The following ALDH1L1 variants were observed in gnomAD, a reference collection of about 807,000 sequenced individuals.
The protein encoded by ALDH1L1 is aldehyde dehydrogenase 1 family member L1.
ALDH1L1 carries 68 observed loss-of-function variants against 101.1 expected under a neutral mutation model. The observed-to-expected ratio is 0.67, with a 90% CI of 0.55 to 0.82. The LOEUF (loss-of-function observed/expected upper bound fraction) is 0.82, where lower values mean the gene tolerates loss of function less well. Among genes scored for constraint, ALDH1L1 ranks in the 40% least tolerant of loss-of-function variants. The probability of loss-of-function intolerance (pLI) is 0.00; values close to 1 mark genes in which losing one functional copy is unlikely to be tolerated. For synonymous variants in ALDH1L1, 486 were observed against 470.8 expected, an observed-to-expected ratio of 1.03 and a Z score of -0.42; for missense variants, 1,087 against 1,172.7, an observed-to-expected ratio of 0.93 and a Z score of 1.07.
intron 2 of ALDH1L1, chr3:126,160,437 G>T (rs1008024051): frequency 1.8e-5 from 3 of 165,866 alleles, no homozygotes; most frequent in Admixed American, 6.1e-5. Context: ...TCCCCTGATG[G>T]GTAAGTAGAG....
At chr3:126,155,369 C>A (rs1202339704) in intron 5 of ALDH1L1, 33 bp downstream of exon 5, 2 of 1,589,486 alleles carry the variant, frequency 1.3e-6, no homozygotes, top group Non-Finnish European at 1.7e-6. Context: ...TGCTCACAGG[C>A]AGGATGAGGG....
intron 22 of ALDH1L1, chr3:126,104,212 G>C (rs935220453): frequency 3.6e-6 from 1 of 281,468 alleles, no homozygotes; most frequent in African/African-American, 2.2e-5. Context: ...AGCTACGTCT[G>C]CATCAAGCTG....
rs892976035 is a variant in ALDH1L1, at chr3:126,142,284, C to G, written c.1077-4324G>C. Among the ~76,000 whole-genome samples the G allele has an allele frequency of 2.0e-5, 3 of 152,142 alleles. No homozygotes were observed. In the South Asian group the frequency reaches 6.2e-4, roughly 32 times the overall value. Reference sequence around the variant, plus strand: ...CCAAACATTTGAAGGGAAAGTAACACCAATTTTTCTCAAACTCTTCCAAAA... The same window carrying G: ...CCAAACATTTGAAGGGAAAGTAACAGCAATTTTTCTCAAACTCTTCCAAAA... On this transcript the variant is annotated intron_variant, in intron 9 of 22. Coordinates refer to ENST00000393434, the MANE Select transcript of ALDH1L1 (RefSeq NM_012190.4).
Position 126,114,601 on chromosome 3 carries a change from G to C in ALDH1L1, c.2038C>G (p.Leu680Val). The change falls in exon 18 of 23, where the codon CTC becomes GTC. Residue 680 changes from leucine (L) to valine (V), a missense_variant. Leu to Val is a conservative substitution (Grantham distance 32). Around this residue, in one of 2 missense-constraint regions of ALDH1L1, gnomAD observed 442 missense variants for 535.7 expected, o/e 0.83. Transcript: ENST00000393434. ...VSLELGGKSP[L>V]IIFADCDLNK... ...AGGTCACAGTCAGCAAAGATGATGA[G>C]GGGTGACTTCCCGCCCAGTTCCAGG... The C allele has an allele frequency of 1.3e-6, 2 of 1,512,624 alleles. No individual in the cohort carries two copies. The highest frequency in any genetic ancestry group is 8.8e-7 in the Non-Finnish European group (1 of 1,130,240). 93.7% of individuals were successfully genotyped at this position (1,512,624 alleles called of 1,614,324 possible).
chr3:126,117,042 G>C (rs560357911), intron 17 of ALDH1L1, among the ~76,000 whole-genome samples: 1 of 151,990 alleles, frequency 6.6e-6, no homozygotes, highest in Non-Finnish European at 1.5e-5. Context: ...AAAGGAGTTC[G>C]AGACCAGGCT....
intron 18 of ALDH1L1, 102 bp from the exon 19 acceptor site, chr3:126,112,982 AC>A: frequency 9.8e-7 from 1 of 1,015,640 alleles, no homozygotes; most frequent in Non-Finnish European, 1.5e-6. Context: ...GAAAGGAGGC[AC>A]CCATGTGTCC....
intron 17 of ALDH1L1, 68 bp downstream of exon 17, chr3:126,117,937 G>A (rs901284075): frequency 1.4e-6 from 2 of 1,438,344 alleles, no homozygotes; most frequent in Non-Finnish European, 1.9e-6. Context: ...CAGCTCCTGG[G>A]ACAGCACTGC....
intron 17 of ALDH1L1, 68 bp downstream of exon 17, chr3:126,117,937 G>T (rs901284075): frequency 1.4e-6 from 2 of 1,438,224 alleles, no homozygotes; most frequent in African/African-American, 1.4e-5. Flanking sequence ...CAGCTCCTGG[G>T]ACAGCACTGC....
chr3:126,154,932 G>A (rs1282819264), intron 5 of ALDH1L1, among the ~76,000 whole-genome samples: 2 of 152,166 alleles, frequency 1.3e-5, no homozygotes, highest in African/African-American at 2.4e-5. Flanking sequence ...ACTCAGGCCC[G>A]TCCCATAGGG....
intron 9 of ALDH1L1, among the ~76,000 whole-genome samples, chr3:126,141,376 A>C (rs528595106): frequency 1.3e-5 from 2 of 152,242 alleles, no homozygotes; most frequent in African/African-American, 4.8e-5. Flanking sequence ...TATGTACAAA[A>C]CACTGCTCAA....
chr3:126,168,105 G>T (rs1299780718), intron 1 of ALDH1L1, among the ~76,000 whole-genome samples: 1 of 152,048 alleles, frequency 6.6e-6, no homozygotes, highest in Non-Finnish European at 1.5e-5. Flanking sequence ...ATAATAAATT[G>T]TCTTAAAATT....
At chr3:126,154,489 A>T in intron 6 of ALDH1L1, 65 bp downstream of exon 6, 1 of 1,494,376 alleles carries the variant, frequency 6.7e-7, no homozygotes, top group Non-Finnish European at 9.3e-7. Context: ...AACATGTGTG[A>T]CAGTTTAATG....
chr3:126,111,987 G>A (rs1398387235), intron 19 of ALDH1L1, among the ~76,000 whole-genome samples: 2 of 152,172 alleles, frequency 1.3e-5, no homozygotes, highest in African/African-American at 2.4e-5. Context: ...TCCCACTCTG[G>A]CACCATGTGG....
At chr3:126,187,117 A>T (rs1241480595) in intron 1 of ALDH1L1, among the ~76,000 whole-genome samples, 1 of 152,132 alleles carries the variant, frequency 6.6e-6, no homozygotes, top group Non-Finnish European at 1.5e-5. Context: ...TAACAAGAGA[A>T]GGTCATGGTG....
intron 18 of ALDH1L1, among the ~76,000 whole-genome samples, chr3:126,113,333 C>T (rs1201830441): frequency 6.6e-6 from 1 of 152,178 alleles, no homozygotes; most frequent in African/African-American, 2.4e-5. Context: ...GGTGACAGGG[C>T]AGAGGGTGGG....
chr3:126,110,403 G>C (rs1946041746), intron 19 of ALDH1L1: 3 of 440,654 alleles, frequency 6.8e-6, no homozygotes, highest in Non-Finnish European at 1.2e-5. Context: ...TATTTGACTA[G>C]TTGAGATGGG....
At chr3:126,168,717 A>G (rs1215268631) in intron 1 of ALDH1L1, among the ~76,000 whole-genome samples, 1 of 152,156 alleles carries the variant, frequency 6.6e-6, no homozygotes, top group African/African-American at 2.4e-5. Context: ...AAAGAGGTAA[A>G]CAGAATTATT....
At chr3:126,146,719 C>T (rs2080692344) in intron 9 of ALDH1L1, 116 bp downstream of exon 9, 7 of 1,138,466 alleles carry the variant, frequency 6.1e-6, no homozygotes, top group Non-Finnish European at 8.8e-6. Flanking sequence ...TCCTGGGTCC[C>T]TGGCCCACAT....
intron 1 of ALDH1L1, 72 bp downstream of exon 1, chr3:126,180,404 C>T (rs767569558): frequency 9.3e-6 from 9 of 971,394 alleles, no homozygotes; most frequent in Non-Finnish European, 1.1e-5. Flanking sequence ...GCCCCCGGAG[C>T]CCCCGGAGCT....
Sources: allele counts gnomAD v4.1 joint callset (sites outside exome capture counted in the v4.1 genomes callset), GRCh38; gene constraint gnomAD v4.1.1; regional missense constraint gnomAD v4.1.1; transcripts MANE v1.5; gene names NCBI Gene and HGNC (gene_info 2026-07-23, HGNC 2026-07-21).